The following SLC15A5 variants were observed in gnomAD, a reference collection of about 807,000 sequenced individuals.
SLC15A5 encodes solute carrier family 15 member 5.
In SLC15A5, 58 loss-of-function variants were observed where a neutral mutation model predicts 56.1. That is an observed-to-expected ratio of 1.03 (90% CI 0.84 to 1.29). SLC15A5 has a LOEUF of 1.29. Ranked by LOEUF, SLC15A5 falls within the 50% of genes most tolerant of loss-of-function variation. The probability of loss-of-function intolerance (pLI) is 0.00; values close to 1 mark genes in which losing one functional copy is unlikely to be tolerated. For missense variants in SLC15A5, 681 were observed against 672.1 expected (o/e 1.01, Z -0.15); for synonymous variants, 264 against 250.5 (o/e 1.05, Z -0.51).
chr12:16,207,608 A>G (rs1321653795), intron 7 of SLC15A5, among the ~76,000 whole-genome samples: 1 of 152,098 alleles, frequency 6.6e-6, no homozygotes, highest in African/African-American at 2.4e-5. Context: ...CATGATCACC[A>G]ACATCAACTG....
chr12:16,197,866 T>C (rs1348708174), intron 7 of SLC15A5, among the ~76,000 whole-genome samples: 1 of 152,180 alleles, frequency 6.6e-6, no homozygotes, highest in Non-Finnish European at 1.5e-5. Context: ...TATAAACTTT[T>C]ATTGTCGTAA....
chr12:16,265,413 A>G (rs183163563), intron 2 of SLC15A5, among the ~76,000 whole-genome samples: 13 of 152,280 alleles, frequency 8.5e-5, no homozygotes, highest in African/African-American at 2.4e-4. Context: ...TCACTTTCAA[A>G]GTCCTATATT....
intron 4 of SLC15A5, among the ~76,000 whole-genome samples, chr12:16,242,577 A>G (rs1459037458): frequency 6.6e-6 from 1 of 152,200 alleles, no homozygotes. Context: ...CATCTTTTAG[A>G]AGCTATGGCA....
intron 7 of SLC15A5, among the ~76,000 whole-genome samples, chr12:16,195,681 T>G (rs1241890874): frequency 1.3e-5 from 2 of 152,100 alleles, no homozygotes; most frequent in Non-Finnish European, 1.5e-5. Context: ...GTACCATCTT[T>G]GGCACATGGG....
Position 16,189,574 on chromosome 12 carries a change from A to G in SLC15A5, c.*94T>C, listed in dbSNP as rs1361147143. 2 of 1,090,180 alleles carry G rather than the reference A, an allele frequency of 1.8e-6. No individual in the cohort carries two copies. The highest frequency in any genetic ancestry group is 2.4e-6 in the Non-Finnish European group (2 of 825,778). The allele number at this position is 1,090,180 out of a possible 1,614,324, so 67.5% of individuals were successfully genotyped here. A position where few individuals can be genotyped will look rare whatever the true frequency, so the allele number is the denominator to read the frequency against. On this transcript the variant is annotated 3_prime_UTR_variant, in exon 9 of 9. Transcript: ENST00000344941. ...GATATTTGTAAAATCACCTCTGTAT[A>G]TATTGGCTTTTACACTAAAACACAT...
At chr12:16,268,542 A>T (rs74065840) in intron 2 of SLC15A5, among the ~76,000 whole-genome samples, 8,018 of 152,280 alleles carry the variant, frequency 0.053, 323 homozygotes, top group African/African-American at 0.11. Context: ...GTTTGCTGAA[A>T]TGTACCTTAT....
intron 5 of SLC15A5, 79 bp downstream of exon 5, chr12:16,239,602 T>C (rs1864390852): frequency 1.5e-6 from 2 of 1,359,754 alleles, no homozygotes; most frequent in South Asian, 1.4e-5. Context: ...CAGGAGCATA[T>C]AGCTAGTTCG....
chr12:16,261,293 T>A (rs1864640913), intron 2 of SLC15A5, among the ~76,000 whole-genome samples: 1 of 152,340 alleles, frequency 6.6e-6, no homozygotes, highest in African/African-American at 2.4e-5. Flanking sequence ...TCTGCCACTA[T>A]AAATTAGTTT....
In SLC15A5 at chr12:16,196,932, G is replaced by A; in HGVS notation, c.1484-2479C>T. 6.6e-6 allele frequency among the ~76,000 whole-genome samples: 1 copy of A among 152,038 alleles called. No homozygotes were observed. The highest frequency in any genetic ancestry group is 2.1e-4 in the South Asian group (1 of 4,814). On this transcript the variant is annotated intron_variant, in intron 7 of 8. Transcript: ENST00000344941. This position sits in a 1 kb window ranked among gnomAD's most constrained non-coding sequence, Gnocchi z 4.0. ...CACACCAGAGCACTCTCATCACTGG[G>A]GATGCTGTGGAAAACAGAAATGACA...
At chr12:16,225,539 T>G (rs1489760830) in intron 5 of SLC15A5, among the ~76,000 whole-genome samples, 1 of 152,064 alleles carries the variant, frequency 6.6e-6, no homozygotes, top group Non-Finnish European at 1.5e-5. Context: ...GGGAGAAAAT[T>G]TTTGCAATCT....
intron 2 of SLC15A5, among the ~76,000 whole-genome samples, chr12:16,260,393 C>T (rs944257756): frequency 2.0e-5 from 3 of 151,942 alleles, no homozygotes; most frequent in African/African-American, 4.8e-5. Context: ...TCCCTACGTT[C>T]GTTTGTTGTG....
intron 3 of SLC15A5, among the ~76,000 whole-genome samples, chr12:16,247,754 G>T (rs1388160111): frequency 2.0e-5 from 3 of 152,080 alleles, no homozygotes; most frequent in Non-Finnish European, 4.4e-5. Flanking sequence ...AGGTCTAGGA[G>T]GTTGTCAGGG....
intron 5 of SLC15A5, among the ~76,000 whole-genome samples, chr12:16,233,959 A>G (rs1591650356): frequency 6.6e-6 from 1 of 152,234 alleles, no homozygotes; most frequent in Admixed American, 6.5e-5. Flanking sequence ...CAAGCAAAGC[A>G]CACATATTTA....
chr12:16,190,876 G>A (rs924350312), intron 8 of SLC15A5, among the ~76,000 whole-genome samples: 4 of 152,042 alleles, frequency 2.6e-5, no homozygotes, highest in Admixed American at 2.6e-4. Flanking sequence ...CAAAACAAGT[G>A]CAATATCAAC....
At position 16,254,216 on chromosome 12, in the gene SLC15A5, A is replaced by G. The variant is rs552873718; in HGVS notation, c.754+3485T>C. Reference sequence around the variant, plus strand: ...AGTGAGTAGTCTTAAAAGGACAAAGACCCTGTCTTTGAAATAATAATAATA... The same window carrying G: ...AGTGAGTAGTCTTAAAAGGACAAAGGCCCTGTCTTTGAAATAATAATAATA... On this transcript the variant is annotated intron_variant, in intron 3 of 8. Coordinates refer to ENST00000344941, the MANE Select transcript of SLC15A5 (RefSeq NM_001170798.1). 1.6e-4 allele frequency among the ~76,000 whole-genome samples: 25 copies of G among 152,152 alleles called. No individual in the cohort carries two copies. The South Asian group carries it at 5.2e-3, about 32-fold the overall frequency.
Position 16,244,728 on chromosome 12 carries a change from A to G in SLC15A5, c.827T>C (p.Leu276Pro). Reference protein sequence around the residue: ...LKTCHPQYCHLGRDVTSQLDH... With the variant: ...LKTCHPQYCHPGRDVTSQLDH... ...TAACTGGCTTGTCACGTCTCTGCCA[A>G]GATGGCAGTATTGCGGGTGGCATGT... The change falls in exon 4 of 9, where the codon CTT becomes CCT. Residue 276 changes from leucine to proline, a missense_variant. Leu to Pro is a moderately conservative substitution (Grantham distance 98). Coordinates refer to ENST00000344941, the MANE Select transcript of SLC15A5 (RefSeq NM_001170798.1). 1 of 1,537,716 alleles carries G rather than the reference A, an allele frequency of 6.5e-7. No homozygotes were observed.
At chr12:16,241,721 T>G (rs980824648) in intron 4 of SLC15A5, among the ~76,000 whole-genome samples, 1 of 152,212 alleles carries the variant, frequency 6.6e-6, no homozygotes, top group Non-Finnish European at 1.5e-5. Context: ...ACTCTAAGAC[T>G]GAAAGGCTCC....
At chr12:16,205,596 TACAC>T (rs56313529) in intron 7 of SLC15A5, among the ~76,000 whole-genome samples, 29 of 87,710 alleles carry the variant, frequency 3.3e-4, no homozygotes, top group South Asian at 2.9e-3. Context: ...TATATACATA[TACAC>T]ACACACACAC....
intron 5 of SLC15A5, among the ~76,000 whole-genome samples, chr12:16,231,087 T>G (rs1296445256): frequency 6.6e-6 from 1 of 152,220 alleles, no homozygotes; most frequent in Non-Finnish European, 1.5e-5. Context: ...TCAAGTATCT[T>G]TTGTACAAAA....
Sources: gnomAD v4.1 joint callset for allele counts (sites outside exome capture counted in the v4.1 genomes callset) on GRCh38, gnomAD v4.1.1 for gene constraint, Gnocchi (gnomAD v3.1) non-coding constraint, MANE v1.5 for transcripts, NCBI Gene and HGNC (gene_info 2026-07-23, HGNC 2026-07-21) for gene names.